The following KLF8 variants were observed in gnomAD, a reference collection of about 807,000 sequenced individuals.
KLF8 encodes KLF transcription factor 8.
Under a neutral mutation model 18.2 loss-of-function variants are expected in KLF8, and 10 were observed. The observed-to-expected ratio is 0.55, with a 90% CI of 0.34 to 0.93. KLF8 has a LOEUF of 0.93. Among genes scored for constraint, KLF8 ranks in the 40% least tolerant of loss-of-function variants. KLF8 has a pLI of 0.02. For missense variants in KLF8, 264 were observed against 277.9 expected, an observed-to-expected ratio of 0.95 and a Z score of 0.36; for synonymous variants, 109 against 97.3, an observed-to-expected ratio of 1.12 and a Z score of -0.71.
the KLF8 span, among the ~76,000 whole-genome samples, chrX:56,171,618 C>T: frequency 1.2e-4 from 13 of 111,169 alleles, 1 homozygote; most frequent in African/African-American, 2.6e-4. Context: ...TGAGAACATG[C>T]GGTGTTTGGA....
rs184451546 is a variant in KLF8 at position 56,243,608 on chromosome X, C to T, written c.8-6623C>T. On this transcript the variant is annotated intron_variant, in intron 1 of 5. Coordinates refer to ENST00000468660, the MANE Select transcript of KLF8 (RefSeq NM_007250.5). ...CTAGAGTGCAATGGTGCGACCTCAG[C>T]TCACTGCAACCTCCCCATCTCCTGT... Among the ~76,000 whole-genome samples the T allele has an allele frequency of 1.1e-4, 11 of 99,104 alleles. No homozygotes were observed. In the Admixed American group the frequency reaches 1.1e-3, roughly 10 times the overall value. 86.1% of individuals were successfully genotyped at this position (99,104 alleles called of 115,157 possible). A position where few individuals can be genotyped will look rare whatever the true frequency, so the allele number is the denominator to read the frequency against.
the KLF8 span, among the ~76,000 whole-genome samples, chrX:56,007,097 G>T: frequency 1.8e-5 from 2 of 112,257 alleles, no homozygotes; most frequent in Non-Finnish European, 3.8e-5. Flanking sequence ...TCAGGATCTG[G>T]TTACTGCATA....
At chrX:56,145,705 C>A in the KLF8 span, among the ~76,000 whole-genome samples, 13 of 111,544 alleles carry the variant, frequency 1.2e-4, no homozygotes, top group Non-Finnish European at 2.3e-4. Flanking sequence ...ATGTAACAAA[C>A]CTGCATGTTG....
At chrX:56,174,743 C>T in the KLF8 span, among the ~76,000 whole-genome samples, 2 of 111,299 alleles carry the variant, frequency 1.8e-5, no homozygotes, top group East Asian at 2.8e-4. Context: ...TTTTTGGTTG[C>T]TAGGCTATTA....
chrX:56,026,854 C>T, the KLF8 span, among the ~76,000 whole-genome samples: 2 of 112,378 alleles, frequency 1.8e-5, no homozygotes, highest in African/African-American at 3.2e-5. Flanking sequence ...TTCTTACCTC[C>T]GCATTTGGGC....
chrX:56,107,045 G>A, the KLF8 span, among the ~76,000 whole-genome samples: 1 of 111,833 alleles, frequency 8.9e-6, no homozygotes, highest in African/African-American at 3.2e-5. Context: ...CACCAGTGGA[G>A]GCTGCAGAAC....
the KLF8 span, among the ~76,000 whole-genome samples, chrX:56,172,563 C>T: frequency 9.0e-6 from 1 of 111,704 alleles, no homozygotes; most frequent in Non-Finnish European, 1.9e-5. Flanking sequence ...CCCCAATAAA[C>T]ATATGTGTGC....
the KLF8 span, among the ~76,000 whole-genome samples, chrX:56,031,886 G>A: frequency 9.0e-6 from 1 of 111,667 alleles, no homozygotes; most frequent in Admixed American, 9.5e-5. Context: ...TTACATGAAA[G>A]GGCCGTGATC....
At chrX:56,237,306 T>A (rs909830249) in intron 1 of KLF8, among the ~76,000 whole-genome samples, 3 of 109,611 alleles carry the variant, frequency 2.7e-5, no homozygotes, top group Admixed American at 9.9e-5. Context: ...TTCTCACTGC[T>A]TACTTCACTT....
At chrX:56,043,114 C>T in the KLF8 span, among the ~76,000 whole-genome samples, 10 of 109,827 alleles carry the variant, frequency 9.1e-5, no homozygotes, top group Non-Finnish European at 1.7e-4. Flanking sequence ...TTTGGAAATC[C>T]TTTTTTTTTA....
chrX:56,138,069 C>T, the KLF8 span, among the ~76,000 whole-genome samples: 106 of 94,504 alleles, frequency 1.1e-3, 1 homozygote, highest in African/African-American at 3.8e-3. Context: ...AAAAAAAACC[C>T]TCAGAGACTA....
the KLF8 span, among the ~76,000 whole-genome samples, chrX:56,105,592 C>G: frequency 4.7e-5 from 5 of 106,424 alleles, no homozygotes; most frequent in Non-Finnish European, 9.6e-5. Context: ...TTATTTTGAG[C>G]CTATGTGTGT....
chrX:56,268,606 C>T (rs1029527223), intron 3 of KLF8: 43 of 491,633 alleles, frequency 8.7e-5, no homozygotes, highest in Non-Finnish European at 1.1e-4. Flanking sequence ...ACATGCACAC[C>T]TCAAGATACA....
chrX:56,211,101 A>G, the KLF8 span, among the ~76,000 whole-genome samples: 27 of 109,937 alleles, frequency 2.5e-4, no homozygotes, highest in African/African-American at 8.9e-4. Flanking sequence ...GATGTTCTTC[A>G]TTGTCTGTGC....
At chrX:56,205,579 T>C in the KLF8 span, among the ~76,000 whole-genome samples, 406 of 112,474 alleles carry the variant, frequency 3.6e-3, 1 homozygote, top group Middle Eastern at 0.028. Context: ...TTGTTGAGGA[T>C]TTTTGCATCA....
chrX:55,938,440 T>G, the KLF8 span, among the ~76,000 whole-genome samples: 1 of 111,409 alleles, frequency 9.0e-6, no homozygotes, highest in East Asian at 2.8e-4. Context: ...GTAAAGACCA[T>G]CAAGGCTAGG....
the KLF8 span, among the ~76,000 whole-genome samples, chrX:56,198,176 C>T: frequency 8.9e-6 from 1 of 111,969 alleles, no homozygotes; most frequent in Non-Finnish European, 1.9e-5. Flanking sequence ...TGAAAACTGG[C>T]ACAAGCAAGG....
At chrX:55,965,788 C>T in the KLF8 span, among the ~76,000 whole-genome samples, 3 of 111,855 alleles carry the variant, frequency 2.7e-5, no homozygotes, top group Non-Finnish European at 5.6e-5. Flanking sequence ...ATTCACAATA[C>T]CCACAAAAGA....
rs1217502991 is a variant in KLF8, at chrX:56,290,038, A to G, written c.*5544A>G. Among the ~76,000 whole-genome samples the G allele has an allele frequency of 8.9e-6, 1 of 111,857 alleles. No homozygotes were observed. The highest frequency in any genetic ancestry group is 2.8e-4 in the East Asian group (1 of 3,571). On this transcript the variant is annotated 3_prime_UTR_variant, in exon 6 of 6. Coordinates refer to ENST00000468660, the MANE Select transcript of KLF8 (RefSeq NM_007250.5). ...AGGTACTGTAGAGGGATGGATACAG[A>G]AGGAACTGGGTGGGCCAAATTTAAA...
Sources: gnomAD v4.1 joint callset for allele counts (sites outside exome capture counted in the v4.1 genomes callset) on GRCh38, gnomAD v4.1.1 for gene constraint, MANE v1.5 for transcripts, NCBI Gene and HGNC (gene_info 2026-07-23, HGNC 2026-07-21) for gene names.